Variants in STYXL2 observed in about 807,000 individuals in gnomAD.
The protein encoded by STYXL2 is serine/threonine/tyrosine-interacting-like protein 2.
In STYXL2, 44 loss-of-function variants were observed where a neutral mutation model predicts 52.4. That is an observed-to-expected ratio of 0.84 (90% CI 0.66 to 1.08). STYXL2 has a LOEUF of 1.08. Ranked by LOEUF, STYXL2 falls within the 50% of genes least tolerant of loss-of-function variation. STYXL2 has a pLI of 0.00. For missense variants in STYXL2, 1,604 were observed against 1,471.7 expected (o/e 1.09, Z -1.47); for synonymous variants, 604 against 586.9 (o/e 1.03, Z -0.42).
chr1:167,105,251 A>T (rs1332969148), intron 2 of STYXL2, among the ~76,000 whole-genome samples: 1 of 151,918 alleles, frequency 6.6e-6, no homozygotes, highest in Non-Finnish European at 1.5e-5. Context: ...TGGATTGGTC[A>T]GTCTGCAATT....
intron 2 of STYXL2, among the ~76,000 whole-genome samples, chr1:167,103,914 G>A (rs1021506907): frequency 1.3e-5 from 2 of 152,166 alleles, no homozygotes; most frequent in African/African-American, 2.4e-5. Flanking sequence ...AAGGTCAGGA[G>A]ATCGAGACCA....
At chr1:167,095,775 C>A (rs1173820301) in intron 2 of STYXL2, among the ~76,000 whole-genome samples, 1 of 152,136 alleles carries the variant, frequency 6.6e-6, no homozygotes, top group Non-Finnish European at 1.5e-5. Context: ...AGTGATTGAG[C>A]CTTTAGTTGG....
At chr1:167,095,346 C>T (rs1047206223) in intron 2 of STYXL2, among the ~76,000 whole-genome samples, 20 of 150,682 alleles carry the variant, frequency 1.3e-4, no homozygotes, top group African/African-American at 4.2e-4. Context: ...GATGACAGGC[C>T]GTAGACTATA....
chr1:167,098,546 A>G (rs1451471094), intron 2 of STYXL2, among the ~76,000 whole-genome samples: 2 of 152,174 alleles, frequency 1.3e-5, no homozygotes. Context: ...TTCAGTTACT[A>G]CTGCTCATAA....
chr1:167,108,504 G>C (rs1172656170), intron 2 of STYXL2, among the ~76,000 whole-genome samples: 1 of 152,186 alleles, frequency 6.6e-6, no homozygotes, highest in Non-Finnish European at 1.5e-5. Flanking sequence ...CTTGGTGCTA[G>C]AATGGAAATG....
chr1:167,109,890 T>G (rs1667580860), intron 2 of STYXL2, among the ~76,000 whole-genome samples: 1 of 152,200 alleles, frequency 6.6e-6, no homozygotes, highest in South Asian at 2.1e-4. Context: ...ACATGACAAC[T>G]TCACTGCTAC....
In STYXL2 at chr1:167,126,671, AG is replaced by A. The variant is rs749472006; in HGVS notation, c.1543del (p.Val515CysfsTer62). ...AADRSSEAGS[R>X]VREDDEDSVG... Reference sequence around the variant, plus strand: ...AGACAGGAGCTCAGAAGCAGGGAGCAGGGTGCGGGAGGATGATGAGGACAGC... The same window carrying A: ...AGACAGGAGCTCAGAAGCAGGGAGCAGGTGCGGGAGGATGATGAGGACAGC... On this transcript the variant is annotated frameshift_variant, in exon 6 of 6. Transcript: ENST00000361200. LOFTEE classifies it low-confidence loss of function (END_TRUNC). The A allele has an allele frequency of 1.2e-6, 2 of 1,614,040 alleles. No homozygotes were observed. The highest frequency in any genetic ancestry group is 8.5e-7 in the Non-Finnish European group (1 of 1,180,026).
intron 3 of STYXL2, 108 bp downstream of exon 3, chr1:167,113,912 C>G: frequency 1.2e-6 from 1 of 849,852 alleles, no homozygotes; most frequent in Non-Finnish European, 2.0e-6. Flanking sequence ...CTGCCCATCA[C>G]GTTAGGAAGA....
rs753183420 is a variant in STYXL2 at position 167,125,945 on chromosome 1, CG to C, written c.817del (p.Glu273SerfsTer6). 1.4e-5 allele frequency: 23 copies of C among 1,613,706 alleles called. No individual in the cohort carries two copies. The highest frequency in any genetic ancestry group is 1.9e-5 in the Non-Finnish European group (23 of 1,179,970). On this transcript the variant is annotated frameshift_variant, in exon 6 of 6. Transcript: ENST00000361200. LOFTEE classifies it low-confidence loss of function (END_TRUNC). ...CAATGAGGGCTTCCTGAAGCAGCTG[CG>C]GGAGCTCAATGAGAAGTTGATGGAG... ...YPNEGFLKQL[R>X]ELNEKLMEER...
At chr1:167,121,199 G>C (rs1667849486) in intron 5 of STYXL2, among the ~76,000 whole-genome samples, 1 of 151,940 alleles carries the variant, frequency 6.6e-6, no homozygotes, top group Non-Finnish European at 1.5e-5. Context: ...TTTTAGTAGA[G>C]AGGGGATTTC....
Position 167,126,230 on chromosome 1 carries a change from C to A in STYXL2, c.1099C>A (p.Gln367Lys). The A allele has an allele frequency of 6.5e-7, 1 of 1,546,064 alleles. No homozygotes were observed. Among genetic ancestry groups the A allele is most frequent in the Non-Finnish European group, 8.7e-7 (1 of 1,151,518 alleles). The change falls in exon 6 of 6, where the codon CAG (glutamine) becomes AAG (lysine). Residue 367 changes from glutamine to lysine, a missense_variant. Transcript: ENST00000361200. ...GGGCCTCCTCTCAGACAAGGTCCCC[C>A]AGGATGGAGGTGGCTGGCGCTCAGC... is the stretch of plus-strand genomic sequence containing the variant. ...GQGLLSDKVP[Q>K]DGGGWRSASS...
intron 2 of STYXL2, among the ~76,000 whole-genome samples, chr1:167,096,620 T>C (rs1667290006): frequency 6.6e-6 from 1 of 152,192 alleles, no homozygotes; most frequent in African/African-American, 2.4e-5. Context: ...GGAGGTTTTA[T>C]GGTCCAGATG....
Position 167,127,215 on chromosome 1 carries a change from T to G in STYXL2, c.2084T>G (p.Ile695Arg). ...CACCTGTCTCAGGCTGCAAGCAACATAGCGGGGTGTTCAACCTCCAACCCC... is the reference window on the plus strand; with the variant it reads ...CACCTGTCTCAGGCTGCAAGCAACAGAGCGGGGTGTTCAACCTCCAACCCC... ...RSHLSQAASN[I>R]AGCSTSNPTT... The change falls in exon 6 of 6, where the codon ATA becomes AGA. Residue 695 changes from isoleucine (I) to arginine (R), a missense_variant. Ile to Arg is a moderately conservative substitution (Grantham distance 97). Coordinates refer to ENST00000361200, the MANE Select transcript of STYXL2 (RefSeq NM_001080426.3). The G allele has an allele frequency of 6.2e-7, 1 of 1,614,134 alleles. No individual in the cohort carries two copies. Among genetic ancestry groups the G allele is most frequent in the East Asian group, 2.2e-5 (1 of 44,878 alleles).
chr1:167,119,390 C>T lies in STYXL2; in HGVS notation c.579C>T (p.Asp193=), dbSNP rs1426393721. ...EIQYLGVEVD[D]FPEVDISQHF... is the part of the protein sequence containing the mutation. ...AGTACCTGGGTGTAGAGGTGGATGA[C>T]TTTCCTGAGGTGGACATTTCCCAGC... The change falls in exon 5 of 6, where the codon GAC becomes GAT. Residue 193 remains aspartate (D), a synonymous_variant. Coordinates refer to ENST00000361200, the MANE Select transcript of STYXL2 (RefSeq NM_001080426.3). 4 of 1,614,156 alleles carry T rather than the reference C, an allele frequency of 2.5e-6. No individual in the cohort carries two copies. Among genetic ancestry groups the T allele is most frequent in the Non-Finnish European group, 3.4e-6 (4 of 1,180,004 alleles).
In STYXL2 at chr1:167,094,205, T is replaced by C. The variant is rs1481752679; in HGVS notation, c.-17+11T>C. The C allele has an allele frequency of 6.6e-6, 1 of 152,528 alleles. No individual in the cohort carries two copies. The highest frequency in any genetic ancestry group is 2.4e-5 in the African/African-American group (1 of 41,452). The allele number at this position is 152,528 out of a possible 1,614,324, so 9.4% of individuals were successfully genotyped here. On this transcript the variant is annotated intron_variant, in intron 1 of 5. Coordinates refer to ENST00000361200, the MANE Select transcript of STYXL2 (RefSeq NM_001080426.3). ...CCAGGCAGGTTAGAGGTGAGTGTGC[T>C]TCTCCCCTTGTCAATCCTGGTGAGC...
chr1:167,103,316 C>T (rs1040471259), intron 2 of STYXL2, among the ~76,000 whole-genome samples: 2 of 146,616 alleles, frequency 1.4e-5, no homozygotes, highest in East Asian at 3.8e-4. Flanking sequence ...TGGAGGGCAC[C>T]GTTCAACTCA....
At chr1:167,105,295 C>T (rs1667487714) in intron 2 of STYXL2, among the ~76,000 whole-genome samples, 1 of 152,246 alleles carries the variant, frequency 6.6e-6, no homozygotes, top group South Asian at 2.1e-4. Flanking sequence ...AGCTGCACCA[C>T]TCTCCGGCTT....
rs150412578 is a variant in STYXL2, at chr1:167,094,855, G to A, written c.6G>A (p.Ala2=). The A allele has an allele frequency of 1.9e-4, 303 of 1,612,880 alleles. 1 individual carries two copies. In the East Asian group the frequency reaches 6.1e-3, roughly 33 times the overall value. M[A]TRKDTEEEQV... is the part of the protein sequence containing the mutation. Reference sequence around the variant, plus strand: ...TCAGAGGTTGGCAGGTTGTCATGGCGACCAGAAAGGACACAGAGGAGGAGC... The same window carrying A: ...TCAGAGGTTGGCAGGTTGTCATGGCAACCAGAAAGGACACAGAGGAGGAGC... Residue 2 remains alanine (A), a synonymous_variant, in exon 2 of 6, where the codon GCG becomes GCA. Transcript: ENST00000361200.
At chr1:167,098,482 T>G (rs937583093) in intron 2 of STYXL2, among the ~76,000 whole-genome samples, 17 of 152,016 alleles carry the variant, frequency 1.1e-4, no homozygotes, top group African/African-American at 4.1e-4. Flanking sequence ...TCTCAAAAAA[T>G]AAAATAAGGA....
Sources: allele counts gnomAD v4.1 joint callset (sites outside exome capture counted in the v4.1 genomes callset), GRCh38; gene constraint gnomAD v4.1.1; transcripts MANE v1.5; gene names NCBI Gene and HGNC (gene_info 2026-07-23, HGNC 2026-07-21).